The following PSME4 variants were observed in gnomAD, a reference collection of about 807,000 sequenced individuals.
The protein encoded by PSME4 is proteasome activator complex subunit 4.
PSME4 carries 89 observed loss-of-function variants against 253.9 expected under a neutral mutation model. The observed-to-expected ratio is 0.35, with a 90% CI of 0.30 to 0.42. PSME4 has a LOEUF of 0.42. Ranked by LOEUF, PSME4 falls within the 10% of genes least tolerant of loss-of-function variation. The probability of loss-of-function intolerance (pLI) is 1.00; values close to 1 mark genes in which losing one functional copy is unlikely to be tolerated. For missense variants in PSME4, 2,014 were observed against 2,195.2 expected, an observed-to-expected ratio of 0.92 and a Z score of 1.65; for synonymous variants, 851 against 759.2, an observed-to-expected ratio of 1.12 and a Z score of -1.99.
chr2:53,970,745 C>T lies in PSME4; in HGVS notation c.40G>A (p.Glu14Lys), dbSNP rs1377636384. Residue 14 changes from glutamate (E) to lysine (K), a missense_variant, in exon 1 of 47, where the codon GAG (glutamate) becomes AAG (lysine). Physicochemically the swap from Glu to Lys is moderately conservative, Grantham distance 56. Around this residue, in one of 4 missense-constraint regions of PSME4, gnomAD observed 615 missense variants for 594.4 expected, o/e 1.03. Coordinates refer to ENST00000404125, the MANE Select transcript of PSME4 (RefSeq NM_014614.3). Reference protein sequence around the residue: ...AERAGVGEPPEPGGRPEPGPR... With the variant: ...AERAGVGEPPKPGGRPEPGPR... ...CCCGGCTCGGGACGCCCGCCCGGCT[C>T]CGGGGGCTCTCCGACTCCCGCCCGC... 1.9e-6 allele frequency: 3 copies of T among 1,546,460 alleles called. No homozygotes were observed. Among genetic ancestry groups the T allele is most frequent in the Middle Eastern group, 2.0e-4 (1 of 4,914 alleles).
chr2:53,919,363 C>T, intron 19 of PSME4, 117 bp from the exon 20 acceptor site: 2 of 1,304,326 alleles, frequency 1.5e-6, no homozygotes, highest in South Asian at 1.9e-5. Flanking sequence ...AAAGAAATAG[C>T]AAATGTCTTC....
intron 1 of PSME4, among the ~76,000 whole-genome samples, 190 bp from the exon 2 acceptor site, chr2:53,949,473 A>T (rs1233362551): frequency 1.3e-5 from 2 of 148,328 alleles, no homozygotes; most frequent in Admixed American, 1.3e-4. Context: ...TTAACATTTC[A>T]TGGAAAACTT....
chr2:53,900,824 T>G (rs1355001121), intron 28 of PSME4, among the ~76,000 whole-genome samples: 1 of 152,192 alleles, frequency 6.6e-6, no homozygotes, highest in African/African-American at 2.4e-5. Flanking sequence ...TCTGCTGTGC[T>G]CACCCTTCTT....
intron 6 of PSME4, 134 bp from the exon 7 acceptor site, chr2:53,936,295 GT>G (rs1669113509): frequency 8.6e-6 from 11 of 1,276,122 alleles, no homozygotes; most frequent in African/African-American, 1.5e-5. Flanking sequence ...TTATGACTTT[GT>G]TTTTTTTAAA....
Position 53,895,023 on chromosome 2 carries a change from C to G in PSME4, c.3896G>C (p.Arg1299Thr). Residue 1299 changes from arginine to threonine, a missense_variant, in exon 34 of 47, where the codon AGG becomes ACG. Arg to Thr is a moderately conservative substitution (Grantham distance 71). Transcript: ENST00000404125. ...VEEQPKLGRS[R>T]EDMTEAEQII... The stretch of plus-strand genomic sequence containing the variant: ...AATGCTTACCTCTGTCATATCCTCC[C>G]TGCTTCTGCCAAGCTTAGGCTGCTC... The G allele has an allele frequency of 3.7e-6, 6 of 1,613,092 alleles. No individual in the cohort carries two copies. Among genetic ancestry groups the G allele is most frequent in the Non-Finnish European group, 5.1e-6 (6 of 1,179,798 alleles).
intron 1 of PSME4, among the ~76,000 whole-genome samples, chr2:53,964,772 G>C (rs1021850888): frequency 5.9e-5 from 9 of 152,184 alleles, no homozygotes; most frequent in Admixed American, 3.9e-4. Flanking sequence ...GAGAAGGTTT[G>C]TGTATTTGAT....
intron 1 of PSME4, among the ~76,000 whole-genome samples, chr2:53,950,151 C>T (rs1669908097): frequency 6.6e-6 from 1 of 152,098 alleles, no homozygotes; most frequent in Non-Finnish European, 1.5e-5. Context: ...TGGCGTGCGC[C>T]TGTGGTCCCA....
intron 43 of PSME4, chr2:53,870,095 T>C (rs1459749435): frequency 6.6e-6 from 1 of 152,226 alleles, no homozygotes; most frequent in Non-Finnish European, 1.5e-5. Flanking sequence ...GTAACTCAAC[T>C]TTTGGGAAAA....
chr2:53,867,122 G>T (rs563764316), intron 44 of PSME4, among the ~76,000 whole-genome samples: 3 of 152,264 alleles, frequency 2.0e-5, no homozygotes, highest in African/African-American at 7.2e-5. Context: ...ACTTTGGGAG[G>T]CCAAGGTAGG....
At chr2:53,925,736 T>C (rs779818711) in intron 13 of PSME4, 47 bp from the exon 14 acceptor site, 19 of 1,564,202 alleles carry the variant, frequency 1.2e-5, no homozygotes, top group Non-Finnish European at 1.7e-5. Flanking sequence ...AAATCTGGTT[T>C]GACATTTTTG....
chr2:53,931,172 G>C (rs1219987505), intron 10 of PSME4, among the ~76,000 whole-genome samples: 1 of 152,194 alleles, frequency 6.6e-6, no homozygotes, highest in African/African-American at 2.4e-5. Flanking sequence ...CACCTACTCA[G>C]GAGGCTGAGG....
intron 12 of PSME4, among the ~76,000 whole-genome samples, chr2:53,926,342 T>C (rs1040218377): frequency 1.3e-5 from 2 of 152,176 alleles, no homozygotes; most frequent in Non-Finnish European, 2.9e-5. Context: ...ACTACCTGAA[T>C]GTCCAGAAAA....
At chr2:53,906,218 C>T (rs1005327537) in intron 26 of PSME4, among the ~76,000 whole-genome samples, 7 of 152,124 alleles carry the variant, frequency 4.6e-5, no homozygotes, top group Non-Finnish European at 8.8e-5. Flanking sequence ...AATTATGTGG[C>T]CTTCGTAGAC....
chr2:53,933,522 G>T (rs1032462954), intron 8 of PSME4, among the ~76,000 whole-genome samples: 3 of 151,902 alleles, frequency 2.0e-5, no homozygotes, highest in Non-Finnish European at 4.4e-5. Context: ...TAATACCATA[G>T]GCATGTGTTA....
At chr2:53,933,935 T>A (rs1475365858) in intron 8 of PSME4, among the ~76,000 whole-genome samples, 1 of 152,186 alleles carries the variant, frequency 6.6e-6, no homozygotes, top group Admixed American at 6.5e-5. Flanking sequence ...TTGTTTTTCT[T>A]ACAATGAAGT....
Position 53,887,464 on chromosome 2 carries a change from C to A in PSME4, c.4524G>T (p.Val1508=), listed in dbSNP as rs879319260. The change falls in exon 40 of 47, where the codon GTG becomes GTT. Residue 1508 remains valine, a synonymous_variant. Coordinates refer to ENST00000404125, the MANE Select transcript of PSME4 (RefSeq NM_014614.3). Reference sequence around the variant, plus strand: ...CATCTATCATGAATATGTAGGTCAGCACACTGCAAAATAAAATACTTAATA... The same window carrying A: ...CATCTATCATGAATATGTAGGTCAGAACACTGCAAAATAAAATACTTAATA... ...YKNVRERIGS[V]LTYIFMIDVS... 1.9e-6 allele frequency: 3 copies of A among 1,608,738 alleles called. No homozygotes were observed. The highest frequency in any genetic ancestry group is 1.3e-5 in the African/African-American group (1 of 74,678).
chr2:53,868,852 T>G (rs1678732399), intron 44 of PSME4, among the ~76,000 whole-genome samples: 1 of 151,974 alleles, frequency 6.6e-6, no homozygotes, highest in Non-Finnish European at 1.5e-5. Context: ...TACATTTCTT[T>G]TTAAACATGA....
At chr2:53,875,530 A>C in intron 42 of PSME4, 97 bp downstream of exon 42, 6 of 1,222,576 alleles carry the variant, frequency 4.9e-6, no homozygotes, top group Non-Finnish European at 5.6e-6. Flanking sequence ...AATTCAAAAC[A>C]AAAACTAGGC....
chr2:53,880,122 G>C (rs890161721), intron 41 of PSME4, among the ~76,000 whole-genome samples: 1 of 152,044 alleles, frequency 6.6e-6, no homozygotes, highest in African/African-American at 2.4e-5. Flanking sequence ...GCAGTATAAG[G>C]GTATTTCTTT....
Sources: gnomAD v4.1 joint callset for allele counts (sites outside exome capture counted in the v4.1 genomes callset) on GRCh38, gnomAD v4.1.1 for gene constraint, gnomAD v4.1.1 regional missense constraint, MANE v1.5 for transcripts, NCBI Gene and HGNC (gene_info 2026-07-23, HGNC 2026-07-21) for gene names.